The following PDE1A variants were observed in gnomAD, a reference collection of about 807,000 sequenced individuals.
PDE1A encodes phosphodiesterase 1A.
A neutral mutation model predicts 61.7 loss-of-function variants in PDE1A; 35 were observed. The observed-to-expected ratio is 0.57, with a 90% CI of 0.43 to 0.75. The LOEUF is 0.75. PDE1A is among the 30% of genes least tolerant of loss of function. PDE1A has a pLI of 0.00. For synonymous variants in PDE1A, 232 were observed against 213.2 expected, an observed-to-expected ratio of 1.09 and a Z score of -0.77; for missense variants, 597 against 630.6, an observed-to-expected ratio of 0.95 and a Z score of 0.57.
chr2:182,399,938 C>T (rs1701908582), intron 1 of PDE1A, among the ~76,000 whole-genome samples: 1 of 152,176 alleles, frequency 6.6e-6, no homozygotes, highest in African/African-American at 2.4e-5. Context: ...ACTTCTAAAA[C>T]AGGATTGCTA....
At chr2:182,627,256 AT>A in the PDE1A span, among the ~76,000 whole-genome samples, 10,978 of 31,964 alleles carry the variant, frequency 0.34, 2,298 homozygotes, top group Middle Eastern at 0.42. Flanking sequence ...TAAATAATAT[AT>A]TATTTATATA....
intron 4 of PDE1A, among the ~76,000 whole-genome samples, chr2:182,232,281 T>G (rs1487861111): frequency 6.6e-6 from 1 of 152,192 alleles, no homozygotes; most frequent in East Asian, 1.9e-4. Flanking sequence ...TGTAGTCCAT[T>G]CTAATGGTTA....
At chr2:182,196,520 T>C (rs1686145854) in intron 10 of PDE1A, among the ~76,000 whole-genome samples, 1 of 151,832 alleles carries the variant, frequency 6.6e-6, no homozygotes, top group East Asian at 1.9e-4. Flanking sequence ...AAGGGAAATT[T>C]ATGGGCAAAT....
At chr2:182,157,237 A>G (rs1277950412) in intron 13 of PDE1A, among the ~76,000 whole-genome samples, 1 of 151,436 alleles carries the variant, frequency 6.6e-6, no homozygotes, top group African/African-American at 2.4e-5. Context: ...CTGGTCTCAA[A>G]CTCCTGACCT....
chr2:182,217,487 C>T (rs1688296184), intron 7 of PDE1A, among the ~76,000 whole-genome samples: 1 of 133,790 alleles, frequency 7.5e-6, no homozygotes, highest in African/African-American at 2.8e-5. Flanking sequence ...AGGCAACCTA[C>T]AAAATGGGAG....
chr2:182,143,497 TA>T (rs1690328264), downstream of PDE1A, among the ~76,000 whole-genome samples: 1 of 152,016 alleles, frequency 6.6e-6, no homozygotes, highest in African/African-American at 2.4e-5. Context: ...TAAAAAATTT[TA>T]ATTAATTAAT....
intron 1 of PDE1A, among the ~76,000 whole-genome samples, chr2:182,360,423 C>T (rs1257018472): frequency 2.6e-5 from 4 of 151,830 alleles, no homozygotes; most frequent in East Asian, 1.9e-4. Flanking sequence ...TCACTGTGAG[C>T]GGGGCAGGGA....
intron 13 of PDE1A, among the ~76,000 whole-genome samples, chr2:182,154,013 TTAAC>T (rs200003052): frequency 0.02 from 3,026 of 152,312 alleles, 37 homozygotes; most frequent in South Asian, 0.056. Context: ...AATATTGATT[TTAAC>T]TATCTACCTA....
At chr2:182,565,214 C>T in the PDE1A span, among the ~76,000 whole-genome samples, 6 of 152,056 alleles carry the variant, frequency 3.9e-5, no homozygotes, top group Admixed American at 2.0e-4. Context: ...ATGATGGTGA[C>T]GTACAGATGG....
At chr2:182,671,684 A>G in the PDE1A span, among the ~76,000 whole-genome samples, 1 of 142,334 alleles carries the variant, frequency 7.0e-6, no homozygotes, top group African/African-American at 2.6e-5. Flanking sequence ...CAGTGGAGCG[A>G]TCTCAGCTCA....
intron 1 of PDE1A, among the ~76,000 whole-genome samples, chr2:182,405,097 T>C (rs1702228786): frequency 6.6e-6 from 1 of 152,202 alleles, no homozygotes; most frequent in African/African-American, 2.4e-5. Flanking sequence ...ATGGCTACCA[T>C]GTCACTAAGC....
chr2:182,479,777 T>C (rs1687592438), intron 2 of PDE1A, among the ~76,000 whole-genome samples: 1 of 151,930 alleles, frequency 6.6e-6, no homozygotes, highest in Admixed American at 6.6e-5. Context: ...ACTATATAAA[T>C]ACATATCTTG....
chr2:182,211,869 A>G (rs1284249529), intron 7 of PDE1A, among the ~76,000 whole-genome samples: 1 of 152,194 alleles, frequency 6.6e-6, no homozygotes, highest in Non-Finnish European at 1.5e-5. Context: ...CAACCCTGCT[A>G]TAATCACTTA....
At chr2:182,168,203 C>A in exon 14 of PDE1A, 1 of 1,556,218 alleles carries the variant, frequency 6.4e-7, no homozygotes, top group South Asian at 1.2e-5. Context: ...GTCTTTTGGT[C>A]AAATTAGAGC....
intron 7 of PDE1A, among the ~76,000 whole-genome samples, chr2:182,208,758 G>A (rs916537040): frequency 6.6e-6 from 1 of 152,190 alleles, no homozygotes; most frequent in Non-Finnish European, 1.5e-5. Context: ...GATTATTTGG[G>A]GTCTTTAAGA....
At chr2:182,307,002 T>G (rs1189243869) in intron 1 of PDE1A, among the ~76,000 whole-genome samples, 2 of 151,980 alleles carry the variant, frequency 1.3e-5, no homozygotes, top group African/African-American at 4.8e-5. Context: ...ATTAGCAGAG[T>G]GAAGAGAGAA....
chr2:182,489,348 TA>T (rs1269265633), intron 2 of PDE1A, among the ~76,000 whole-genome samples: 1 of 152,234 alleles, frequency 6.6e-6, no homozygotes, highest in Non-Finnish European at 1.5e-5. Flanking sequence ...TGTTTGATTT[TA>T]CTCTGAGATA....
chr2:182,201,547 G>T (rs765533376), exon 10 of PDE1A: 2 of 1,612,926 alleles, frequency 1.2e-6, no homozygotes, highest in Non-Finnish European at 1.7e-6. Context: ...ACATGGTTTT[G>T]GCTCTGTCAA....
At chr2:182,245,884 T>A (rs1364703691) in intron 2 of PDE1A, among the ~76,000 whole-genome samples, 1 of 152,170 alleles carries the variant, frequency 6.6e-6, no homozygotes, top group Non-Finnish European at 1.5e-5. Context: ...AGTGTTTAGT[T>A]TTGCAAAAAC....
Sources: allele counts gnomAD v4.1 joint callset (sites outside exome capture counted in the v4.1 genomes callset), GRCh38; gene constraint gnomAD v4.1.1; transcripts MANE v1.5; gene names NCBI Gene and HGNC (gene_info 2026-07-23, HGNC 2026-07-21).